The following ANKRD11 variants were observed in gnomAD, a reference collection of about 807,000 sequenced individuals.
ANKRD11 encodes the protein ankyrin repeat domain 11.
In ANKRD11, 17 loss-of-function variants were observed where a neutral mutation model predicts 195.7. That is an observed-to-expected ratio of 0.09 (90% CI 0.06 to 0.13). ANKRD11 has a LOEUF of 0.13. Among genes scored for constraint, ANKRD11 ranks in the 10% least tolerant of loss-of-function variants. The pLI, the probability that ANKRD11 is intolerant of heterozygous loss-of-function variation, is 1.00. For missense variants in ANKRD11, 3,735 were observed against 3,566.1 expected, an observed-to-expected ratio of 1.05 and a Z score of -1.21; for synonymous variants, 1,953 against 1,528.1, an observed-to-expected ratio of 1.28 and a Z score of -6.49.
chr16:89,323,404 C>CAGGGCAGGGGGGCTGAGCCG (rs1567645208), intron 2 of ANKRD11: 3 of 1,210,044 alleles, frequency 2.5e-6, no homozygotes, highest in East Asian at 1.2e-4. Context: ...GCAAGCAGCC[C>CAGGGCAGGGGGGCTGAGCCG]AGGGCAGGGG....
At chr16:89,363,188 T>C (rs1010844222) in intron 2 of ANKRD11, among the ~76,000 whole-genome samples, 5 of 152,190 alleles carry the variant, frequency 3.3e-5, no homozygotes, top group Non-Finnish European at 5.9e-5. Context: ...ATATACGATG[T>C]TTCCAGATAA....
At chr16:89,425,350 T>C (rs1597365925) in intron 1 of ANKRD11, among the ~76,000 whole-genome samples, 1 of 152,108 alleles carries the variant, frequency 6.6e-6, no homozygotes, top group Non-Finnish European at 1.5e-5. Flanking sequence ...AAACTGGAAA[T>C]GGAAAACATG....
chr16:89,490,553 G>A lies in ANKRD11; in HGVS notation c.-453C>T, dbSNP rs2057795643. On this transcript the variant is annotated 5_prime_UTR_variant, in exon 1 of 13. Coordinates refer to ENST00000301030, the MANE Select transcript of ANKRD11 (RefSeq NM_013275.6). ...TCGGTCCATCGCGCACCGTCTCAGGGCGGCCTCTGGCTCCAGGACCCAGCG... is the reference window on the plus strand; with the variant it reads ...TCGGTCCATCGCGCACCGTCTCAGGACGGCCTCTGGCTCCAGGACCCAGCG... 9.4e-6 allele frequency: 4 copies of A among 424,866 alleles called. No homozygotes were observed. The highest frequency in any genetic ancestry group is 1.2e-5 in the Non-Finnish European group (3 of 240,970). The allele number at this position is 424,866 out of a possible 1,614,324, so 26.3% of individuals were successfully genotyped here.
At chr16:89,463,951 C>T (rs937688960) in intron 1 of ANKRD11, among the ~76,000 whole-genome samples, 2 of 152,196 alleles carry the variant, frequency 1.3e-5, no homozygotes, top group South Asian at 4.1e-4. Flanking sequence ...TAGACCACAA[C>T]GCTAACGCCA....
intron 4 of ANKRD11, chr16:89,301,441 C>A: frequency 2.5e-6 from 1 of 396,850 alleles, no homozygotes; most frequent in Non-Finnish European, 4.4e-6. Context: ...AAAGCAGATA[C>A]AAGAGGCCCC....
intron 2 of ANKRD11, among the ~76,000 whole-genome samples, chr16:89,351,851 A>G (rs1314806804): frequency 6.6e-6 from 1 of 152,034 alleles, no homozygotes. Context: ...TACACTAACA[A>G]CCTTTGAACT....
At chr16:89,472,360 T>C (rs1040803666) in intron 1 of ANKRD11, among the ~76,000 whole-genome samples, 2 of 152,100 alleles carry the variant, frequency 1.3e-5, no homozygotes, top group Non-Finnish European at 2.9e-5. Flanking sequence ...TCAGGAGATC[T>C]GCACATTTAC....
intron 2 of ANKRD11, among the ~76,000 whole-genome samples, chr16:89,410,625 C>T (rs549858891): frequency 6.6e-6 from 1 of 152,346 alleles, no homozygotes; most frequent in East Asian, 1.9e-4. Flanking sequence ...ATCCTGCTGA[C>T]GTGCTGACAC....
chr16:89,338,182 C>T lies in ANKRD11; in HGVS notation c.-59-21104G>A, dbSNP rs561088160. Among the ~76,000 whole-genome samples the T allele has an allele frequency of 4.6e-5, 7 of 152,268 alleles. No homozygotes were observed. In the South Asian group the frequency reaches 6.2e-4, roughly 14 times the overall value. On this transcript the variant is annotated intron_variant, in intron 2 of 12. Coordinates refer to ENST00000301030, the MANE Select transcript of ANKRD11 (RefSeq NM_013275.6). Reference sequence around the variant, plus strand: ...CTTCAGTGGGTGTGCTGCCCCGAGACGCACTCTCACTGTGCCGGGGGGTGG... The same window carrying T: ...CTTCAGTGGGTGTGCTGCCCCGAGATGCACTCTCACTGTGCCGGGGGGTGG...
intron 1 of ANKRD11, among the ~76,000 whole-genome samples, chr16:89,439,866 C>T (rs2043371123): frequency 6.6e-6 from 1 of 152,234 alleles, no homozygotes; most frequent in Non-Finnish European, 1.5e-5. Context: ...ACACTACCCA[C>T]AGTGCAGCTG....
At chr16:89,477,170 G>A (rs1391291527) in intron 1 of ANKRD11, among the ~76,000 whole-genome samples, 3 of 150,994 alleles carry the variant, frequency 2.0e-5, no homozygotes, top group Non-Finnish European at 1.5e-5. Context: ...AAGTATAAAA[G>A]CCATCACCTT....
At chr16:89,483,329 C>G (rs1324076276) in intron 1 of ANKRD11, among the ~76,000 whole-genome samples, 1 of 152,190 alleles carries the variant, frequency 6.6e-6, no homozygotes, top group African/African-American at 2.4e-5. Flanking sequence ...AGCCAGTCAT[C>G]TGGTGAGAAC....
In ANKRD11 at chr16:89,268,568, G is replaced by C; in HGVS notation, c.7902C>G (p.Ala2634=). The change falls in exon 13 of 13, where the codon GCC becomes GCG. Residue 2634 remains alanine, a synonymous_variant. Coordinates refer to ENST00000301030, the MANE Select transcript of ANKRD11 (RefSeq NM_013275.6). ...WQLKVQELDP[A]GHKSLCVNEV... is the part of the protein sequence containing the mutation. ...CGTTCACGCACAGGGACTTGTGCCC[G>C]GCGGGGTCCAGTTCCTGCACCTTCA... 6.5e-7 allele frequency: 1 copy of C among 1,530,800 alleles called. No homozygotes were observed. The highest frequency in any genetic ancestry group is 8.9e-7 in the Non-Finnish European group (1 of 1,129,882). 94.8% of individuals were successfully genotyped at this position (1,530,800 alleles called of 1,614,324 possible). A position where few individuals can be genotyped will look rare whatever the true frequency, so the allele number is the denominator to read the frequency against.
rs569472708 is a variant in ANKRD11 at position 89,384,549 on chromosome 16, T to TGGGAC, written c.-60+33734_-60+33735insGTCCC. On this transcript the variant is annotated intron_variant, in intron 2 of 12. Coordinates refer to ENST00000301030, the MANE Select transcript of ANKRD11 (RefSeq NM_013275.6). ...AGGATGGGATGGGACTGGGATGGGA[T>TGGGAC]GGGATGGGAATGGGACAGGATGGGA... Among the ~76,000 whole-genome samples, 844 of 142,206 alleles carry TGGGAC rather than the reference T, an allele frequency of 5.9e-3. 7 individuals carry two copies. Among genetic ancestry groups the TGGGAC allele is most frequent in the African/African-American group, 0.021 (804 of 38,186 alleles). The allele number at this position is 142,206 out of a possible 152,430, so 93.3% of individuals were successfully genotyped here.
chr16:89,361,916 G>A (rs1370018089), intron 2 of ANKRD11, among the ~76,000 whole-genome samples: 1 of 152,212 alleles, frequency 6.6e-6, no homozygotes, highest in Non-Finnish European at 1.5e-5. Flanking sequence ...AGGTCAGACG[G>A]GGCAGCAATG....
intron 3 of ANKRD11, among the ~76,000 whole-genome samples, chr16:89,306,898 C>G (rs1376542214): frequency 6.6e-6 from 1 of 152,116 alleles, no homozygotes; most frequent in African/African-American, 2.4e-5. Context: ...GCGCCACCTA[C>G]CTCCCACTCC....
intron 1 of ANKRD11, among the ~76,000 whole-genome samples, chr16:89,467,555 G>A (rs551665757): frequency 1.3e-4 from 20 of 152,030 alleles, no homozygotes; most frequent in Admixed American, 3.3e-4. Flanking sequence ...TTGTAGAGAC[G>A]GGGTCTTGCT....
At position 89,316,962 on chromosome 16, in the gene ANKRD11, C is replaced by T. The variant is rs1403247303; in HGVS notation, c.58G>A (p.Asp20Asn). Residue 20 changes from aspartate to asparagine, a missense_variant, in exon 3 of 13, where the codon GAC becomes AAC. Physicochemically the swap from Asp to Asn is conservative, Grantham distance 23. Transcript: ENST00000301030. ...PQQEELPLSS[D>N]MVEKQTGKKD... ...TTCCCAGTCTGCTTCTCCACCATGT[C>T]GCTGCTGAGGGGAAGCTCTTCCTGC... is the stretch of plus-strand genomic sequence containing the variant. 3.7e-6 allele frequency: 6 copies of T among 1,613,716 alleles called. No homozygotes were observed. Among genetic ancestry groups the T allele is most frequent in the Non-Finnish European group, 5.1e-6 (6 of 1,179,912 alleles).
chr16:89,275,716 G>A (rs2033597692), intron 9 of ANKRD11, among the ~76,000 whole-genome samples: 1 of 152,252 alleles, frequency 6.6e-6, no homozygotes, highest in African/African-American at 2.4e-5. Flanking sequence ...CCCCGTGGGG[G>A]CTGGGGGACT....
Sources: gnomAD v4.1 joint callset for allele counts (sites outside exome capture counted in the v4.1 genomes callset) on GRCh38, gnomAD v4.1.1 for gene constraint, MANE v1.5 for transcripts, NCBI Gene and HGNC (gene_info 2026-07-23, HGNC 2026-07-21) for gene names.